The following TRPC3 variants were observed in gnomAD, a reference collection of about 807,000 sequenced individuals.
TRPC3 encodes the protein transient receptor potential cation channel subfamily C member 3.
TRPC3 carries 54 observed loss-of-function variants against 90.9 expected under a neutral mutation model. That is an observed-to-expected ratio of 0.59 (90% CI 0.48 to 0.75). The LOEUF (loss-of-function observed/expected upper bound fraction) is 0.75. TRPC3 is among the 30% of genes least tolerant of loss of function. The pLI, the probability that TRPC3 is intolerant of heterozygous loss-of-function variation, is 0.00. For missense variants in TRPC3, 918 were observed against 1,194.5 expected (o/e 0.77, Z 3.41); for synonymous variants, 424 against 450.9 (o/e 0.94, Z 0.75).
intron 10 of TRPC3, among the ~76,000 whole-genome samples, chr4:121,889,064 A>G (rs887147226): frequency 2.0e-5 from 3 of 152,236 alleles, no homozygotes; most frequent in African/African-American, 7.2e-5. Context: ...CAGTCTCTTC[A>G]ATGAATGGTG....
At chr4:121,940,266 A>G (rs1427532908) in intron 1 of TRPC3, among the ~76,000 whole-genome samples, 17 of 152,220 alleles carry the variant, frequency 1.1e-4, no homozygotes, top group African/African-American at 4.1e-4. Context: ...AATTGACTTA[A>G]TTGCCTAATT....
chr4:121,950,666 TAGAA>T (rs1191759823), intron 1 of TRPC3: 1 of 152,154 alleles, frequency 6.6e-6, no homozygotes, highest in Non-Finnish European at 1.5e-5. Context: ...CTCCTTCGTT[TAGAA>T]AGAGAGAGAG....
At chr4:121,913,359 A>G (rs1322003368) in intron 4 of TRPC3, among the ~76,000 whole-genome samples, 1 of 152,206 alleles carries the variant, frequency 6.6e-6, no homozygotes, top group Non-Finnish European at 1.5e-5. Context: ...ACATACATGG[A>G]AAATTCTTGC....
chr4:121,920,774 T>A (rs906176315), intron 3 of TRPC3, among the ~76,000 whole-genome samples: 4 of 152,240 alleles, frequency 2.6e-5, no homozygotes, highest in Non-Finnish European at 5.9e-5. Context: ...CCTATTCAAA[T>A]CTTTTGCTGA....
intron 1 of TRPC3, among the ~76,000 whole-genome samples, chr4:121,945,782 G>C (rs1016920351): frequency 6.6e-6 from 1 of 150,484 alleles, no homozygotes; most frequent in Non-Finnish European, 1.5e-5. Context: ...GGGATACCAG[G>C]GGGGCAGGAA....
intron 3 of TRPC3, 59 bp from the exon 4 acceptor site, chr4:121,915,003 C>A: frequency 7.0e-7 from 1 of 1,435,846 alleles, no homozygotes; most frequent in Non-Finnish European, 9.5e-7. Context: ...ATACCATTGT[C>A]AATAGCTCAA....
chr4:121,940,556 C>A (rs1167272146), intron 1 of TRPC3, among the ~76,000 whole-genome samples: 1 of 152,158 alleles, frequency 6.6e-6, no homozygotes, highest in East Asian at 1.9e-4. Context: ...CTGCTCTTTG[C>A]CAATTCAAAT....
At chr4:121,904,557 T>G in intron 7 of TRPC3, 40 bp from the exon 8 acceptor site, 1 of 1,449,210 alleles carries the variant, frequency 6.9e-7, no homozygotes, top group African/African-American at 1.4e-5. Flanking sequence ...AAGTTAACAG[T>G]TTTCAATATC....
chr4:121,911,134 T>C (rs1243320763), intron 5 of TRPC3, among the ~76,000 whole-genome samples: 1 of 152,208 alleles, frequency 6.6e-6, no homozygotes, highest in Admixed American at 6.5e-5. Context: ...AATAATTACT[T>C]GACCTAGGCT....
chr4:121,881,945 A>G (rs958658249), intron 11 of TRPC3, among the ~76,000 whole-genome samples: 1 of 152,182 alleles, frequency 6.6e-6, no homozygotes. Flanking sequence ...TCTGAACAAT[A>G]AAACAGAGGT....
intron 7 of TRPC3, among the ~76,000 whole-genome samples, chr4:121,906,393 G>A (rs1728882910): frequency 6.6e-6 from 1 of 152,130 alleles, no homozygotes; most frequent in African/African-American, 2.4e-5. Context: ...ATCACATTGT[G>A]TACAAGATCT....
Position 121,879,713 on chromosome 4 carries a change from A to G in TRPC3, c.*23T>C, listed in dbSNP as rs199542893. ...TATTGCCCACATTTGTGCTATAGTC[A>G]AAGCCAAATCCAGGTTGCTGCATCA... On this transcript the variant is annotated 3_prime_UTR_variant, in exon 12 of 12. Coordinates refer to ENST00000379645, the MANE Select transcript of TRPC3 (RefSeq NM_001130698.2). 6 of 1,597,528 alleles carry G rather than the reference A, an allele frequency of 3.8e-6. No individual in the cohort carries two copies. The highest frequency in any genetic ancestry group is 5.1e-6 in the Non-Finnish European group (6 of 1,174,572).
At chr4:121,944,744 A>G (rs78910513) in intron 1 of TRPC3, among the ~76,000 whole-genome samples, 1,722 of 152,290 alleles carry the variant, frequency 0.011, 46 homozygotes, top group African/African-American at 0.04. Context: ...AACTTTCTCA[A>G]GTTGATTTGC....
chr4:121,947,233 T>G (rs1730522010), intron 1 of TRPC3, among the ~76,000 whole-genome samples: 1 of 148,880 alleles, frequency 6.7e-6, no homozygotes, highest in Non-Finnish European at 1.5e-5. Context: ...TTAAGTCTAA[T>G]GCCATGCTGT....
chr4:121,881,131 C>T (rs75623120), intron 11 of TRPC3, among the ~76,000 whole-genome samples: 7,740 of 152,150 alleles, frequency 0.051, 274 homozygotes, highest in South Asian at 0.14. Context: ...TCCTTGTCCC[C>T]GACTCATGGG....
rs183637201 is a variant in TRPC3 at position 121,894,137 on chromosome 4, A to T, written c.2547+5475T>A. Among the ~76,000 whole-genome samples, 174 of 152,330 alleles carry T rather than the reference A, an allele frequency of 1.1e-3. 1 individual carries two copies. Among genetic ancestry groups the T allele is most frequent in the Non-Finnish European group, 1.9e-3 (131 of 68,000 alleles). ...GACTTACTACAGTGTTGCTTATAAT[A>T]GCTAAATATTAGCAATATCCTCTAT... On this transcript the variant is annotated intron_variant, in intron 10 of 11. Coordinates refer to ENST00000379645, the MANE Select transcript of TRPC3 (RefSeq NM_001130698.2).
At chr4:121,921,470 C>T (rs1031951963) in intron 3 of TRPC3, among the ~76,000 whole-genome samples, 1 of 135,550 alleles carries the variant, frequency 7.4e-6, no homozygotes, top group African/African-American at 2.8e-5. Context: ...TGCAGTGAGC[C>T]GAGATCGCGC....
intron 10 of TRPC3, among the ~76,000 whole-genome samples, chr4:121,885,739 C>A (rs943734164): frequency 1.3e-5 from 2 of 152,116 alleles, no homozygotes; most frequent in African/African-American, 2.4e-5. Context: ...CCAACTGATT[C>A]TTTAATTAAA....
intron 1 of TRPC3, among the ~76,000 whole-genome samples, chr4:121,945,078 T>A (rs1201080924): frequency 1.3e-5 from 2 of 152,200 alleles, no homozygotes; most frequent in Non-Finnish European, 2.9e-5. Flanking sequence ...ATTGTTAAAT[T>A]TCAGAAGTGT....
Sources: allele counts gnomAD v4.1 joint callset (sites outside exome capture counted in the v4.1 genomes callset), GRCh38; gene constraint gnomAD v4.1.1; transcripts MANE v1.5; gene names NCBI Gene and HGNC (gene_info 2026-07-23, HGNC 2026-07-21).